The following UNC13C variants were observed in gnomAD, a reference collection of about 807,000 sequenced individuals.
The protein encoded by UNC13C is unc-13 homolog C.
A neutral mutation model predicts 245.4 loss-of-function variants in UNC13C; 174 were observed. The observed-to-expected ratio is 0.71, with a 90% CI of 0.63 to 0.80. UNC13C has a LOEUF of 0.80. UNC13C is among the 30% of genes least tolerant of loss of function. UNC13C has a pLI of 0.00. For synonymous variants in UNC13C, 992 were observed against 895.1 expected, an observed-to-expected ratio of 1.11 and a Z score of -1.93; for missense variants, 2,829 against 2,602.9, an observed-to-expected ratio of 1.09 and a Z score of -1.89.
At chr15:54,618,614 CA>C (rs1397127137) in intron 30 of UNC13C, among the ~76,000 whole-genome samples, 1 of 152,016 alleles carries the variant, frequency 6.6e-6, no homozygotes, top group African/African-American at 2.4e-5. Flanking sequence ...CTGGGATAGA[CA>C]ATTGACAAAT....
intron 11 of UNC13C, among the ~76,000 whole-genome samples, chr15:54,296,550 A>T (rs570493755): frequency 1.3e-5 from 2 of 151,658 alleles, no homozygotes; most frequent in Non-Finnish European, 1.5e-5. Context: ...TTGAGAATCA[A>T]CTCCCTCTCA....
chr15:54,454,494 C>G (rs1891361375), intron 19 of UNC13C, among the ~76,000 whole-genome samples: 1 of 151,574 alleles, frequency 6.6e-6, no homozygotes, highest in Non-Finnish European at 1.5e-5. Flanking sequence ...TGGAGAATCA[C>G]TTGAACCCGG....
In UNC13C at chr15:54,623,791, T is replaced by C. The variant is rs1188040809; in HGVS notation, c.6200-4T>C. ...GCTAAAATGTGATATTTCCTTTTTT[T>C]TAGTGATTGCTATTAATGACCTAAA... On this transcript the variant is annotated splice_polypyrimidine_tract_variant and splice_region_variant and intron_variant, in intron 31 of 32. Coordinates refer to ENST00000260323, the MANE Select transcript of UNC13C (RefSeq NM_001080534.3). 1 of 1,607,838 alleles carries C rather than the reference T, an allele frequency of 6.2e-7. No homozygotes were observed.
chr15:54,457,657 G>T (rs1290261239), intron 19 of UNC13C, among the ~76,000 whole-genome samples: 1 of 151,910 alleles, frequency 6.6e-6, no homozygotes, highest in African/African-American at 2.4e-5. Flanking sequence ...TCCAGTTTGT[G>T]TGCATATAGG....
chr15:54,260,199 G>A (rs2036388088), intron 8 of UNC13C, among the ~76,000 whole-genome samples: 1 of 152,112 alleles, frequency 6.6e-6, no homozygotes, highest in Non-Finnish European at 1.5e-5. Flanking sequence ...AATGGTGATT[G>A]TTAAATATGA....
intron 32 of UNC13C, among the ~76,000 whole-genome samples, chr15:54,626,255 G>GGAAA (rs1243717553): frequency 2.6e-5 from 4 of 151,980 alleles, no homozygotes; most frequent in Non-Finnish European, 5.9e-5. Flanking sequence ...TGTTACCATA[G>GGAAA]GAAAGAATCG....
At chr15:54,310,141 AG>A (rs1222019485) in intron 13 of UNC13C, among the ~76,000 whole-genome samples, 5 of 151,678 alleles carry the variant, frequency 3.3e-5, no homozygotes, top group Non-Finnish European at 7.4e-5. Context: ...AGTGGTTTGC[AG>A]CACCTCTGAG....
At chr15:54,102,749 A>G (rs1371995765) in intron 2 of UNC13C, among the ~76,000 whole-genome samples, 1 of 152,154 alleles carries the variant, frequency 6.6e-6, no homozygotes, top group East Asian at 1.9e-4. Context: ...GTCTCTCTTT[A>G]GCCATATTTC....
chr15:54,578,062 C>T (rs7163424), intron 30 of UNC13C, among the ~76,000 whole-genome samples: 54,017 of 151,994 alleles, frequency 0.36, 9,867 homozygotes, highest in East Asian at 0.55. Context: ...ATCCCGAATC[C>T]CACTTTCTCA....
intron 19 of UNC13C, among the ~76,000 whole-genome samples, chr15:54,423,724 A>G (rs1395253007): frequency 6.6e-6 from 1 of 151,916 alleles, no homozygotes. Flanking sequence ...GAACAGAGCT[A>G]ACTGCATTTT....
intron 19 of UNC13C, among the ~76,000 whole-genome samples, chr15:54,484,471 G>T (rs983338543): frequency 1.3e-5 from 2 of 152,138 alleles, no homozygotes; most frequent in African/African-American, 4.8e-5. Flanking sequence ...AACTAAAATG[G>T]CATACAGAGA....
chr15:54,503,399 A>G (rs1315736239), intron 22 of UNC13C, among the ~76,000 whole-genome samples: 1 of 151,272 alleles, frequency 6.6e-6, no homozygotes, highest in African/African-American at 2.4e-5. Flanking sequence ...AATAAGAAAC[A>G]TCAGTCAAAT....
intron 24 of UNC13C, among the ~76,000 whole-genome samples, chr15:54,519,574 A>G (rs1895128790): frequency 6.6e-6 from 1 of 152,186 alleles, no homozygotes; most frequent in Non-Finnish European, 1.5e-5. Flanking sequence ...ATGAATTTAT[A>G]CAACTGATAC....
intron 19 of UNC13C, among the ~76,000 whole-genome samples, chr15:54,488,134 A>C (rs906024584): frequency 6.6e-6 from 1 of 152,218 alleles, no homozygotes; most frequent in Non-Finnish European, 1.5e-5. Context: ...CATATAAAAA[A>C]GAACTCATGA....
the UNC13C span, among the ~76,000 whole-genome samples, chr15:53,899,002 GGGTT>G: frequency 1.3e-5 from 2 of 151,482 alleles, no homozygotes; most frequent in Admixed American, 1.3e-4. Flanking sequence ...TTCCTCTTGA[GGGTT>G]TTGTGCTTAT....
At chr15:54,029,075 TAACTA>T (rs1896246458) in intron 2 of UNC13C, among the ~76,000 whole-genome samples, 1 of 152,220 alleles carries the variant, frequency 6.6e-6, no homozygotes, top group South Asian at 2.1e-4. Context: ...AAACATTTCT[TAACTA>T]AACCATCCAG....
chr15:53,852,346 A>G, the UNC13C span, among the ~76,000 whole-genome samples: 279 of 152,220 alleles, frequency 1.8e-3, no homozygotes, highest in African/African-American at 6.5e-3. Context: ...TACTCTAGCT[A>G]CTGGAAGCTT....
chr15:54,152,348 T>A (rs1480274678), intron 4 of UNC13C, among the ~76,000 whole-genome samples: 1 of 152,194 alleles, frequency 6.6e-6, no homozygotes, highest in Non-Finnish European at 1.5e-5. Flanking sequence ...TATTTGTTGA[T>A]GAGAAAAAAG....
intron 2 of UNC13C, among the ~76,000 whole-genome samples, chr15:54,052,542 A>C (rs1219049185): frequency 6.6e-6 from 1 of 152,146 alleles, no homozygotes; most frequent in Non-Finnish European, 1.5e-5. Context: ...GACTTTGAAA[A>C]TTTTTGTTGG....
Sources: allele counts gnomAD v4.1 joint callset (sites outside exome capture counted in the v4.1 genomes callset), GRCh38; gene constraint gnomAD v4.1.1; transcripts MANE v1.5; gene names NCBI Gene and HGNC (gene_info 2026-07-23, HGNC 2026-07-21).